The following MLLT3 variants were observed in gnomAD, a reference collection of about 807,000 sequenced individuals.
The protein encoded by MLLT3 is MLLT3 super elongation complex subunit.
In MLLT3, 4 loss-of-function variants were observed where a neutral mutation model predicts 53.2. The observed-to-expected ratio is 0.08, with a 90% CI of 0.04 to 0.17. The LOEUF is 0.17. Ranked by LOEUF, MLLT3 falls within the 10% of genes least tolerant of loss-of-function variation. The pLI is 1.00. For synonymous variants in MLLT3, 283 were observed against 230.6 expected, an observed-to-expected ratio of 1.23 and a Z score of -2.06; for missense variants, 569 against 684.0, an observed-to-expected ratio of 0.83 and a Z score of 1.87.
chr9:20,346,458 T>C lies in MLLT3; in HGVS notation c.1692A>G (p.Thr564=), dbSNP rs1244853967. ...TVRKLQSYLE[T]SGTS is the part of the protein sequence containing the mutation. ...TGTTATATCCTCAGGATGTTCCAGA[T>C]GTTTCCAGGTAACTCTGTAGTTTAC... Residue 564 remains threonine, a synonymous_variant, in exon 11 of 11, where the codon ACA becomes ACG. Transcript: ENST00000380338. The C allele has an allele frequency of 2.5e-6, 4 of 1,612,952 alleles. No homozygotes were observed. The highest frequency in any genetic ancestry group is 2.2e-5 in the South Asian group (2 of 90,902).
intron 5 of MLLT3, among the ~76,000 whole-genome samples, chr9:20,371,355 C>A (rs1046271786): frequency 5.9e-5 from 9 of 152,194 alleles, no homozygotes; most frequent in Non-Finnish European, 1.3e-4. Flanking sequence ...GAACAAGATG[C>A]CATCTAGAGC....
At chr9:20,522,101 C>A (rs1587021383) in intron 2 of MLLT3, among the ~76,000 whole-genome samples, 2 of 148,320 alleles carry the variant, frequency 1.3e-5, no homozygotes, top group South Asian at 2.1e-4. Flanking sequence ...TTCTAGAGCC[C>A]AGAAACAAGT....
At chr9:20,400,045 TA>T (rs146957209) in intron 5 of MLLT3, among the ~76,000 whole-genome samples, 20,823 of 150,006 alleles carry the variant, frequency 0.14, 3,510 homozygotes, top group African/African-American at 0.4. Flanking sequence ...CTAACATCAT[TA>T]AAAAAAAAGA....
chr9:20,488,901 C>T (rs1469411092), intron 2 of MLLT3, among the ~76,000 whole-genome samples: 1 of 152,186 alleles, frequency 6.6e-6, no homozygotes, highest in Non-Finnish European at 1.5e-5. Context: ...GCCCAGCCAG[C>T]CTCTGTAATA....
intron 2 of MLLT3, among the ~76,000 whole-genome samples, chr9:20,506,310 G>C (rs1205872367): frequency 6.6e-6 from 1 of 152,042 alleles, no homozygotes; most frequent in Non-Finnish European, 1.5e-5. Context: ...CGAAGTGCTG[G>C]GATTACAGGC....
chr9:20,603,084 T>G (rs1390250544), intron 2 of MLLT3, among the ~76,000 whole-genome samples: 2 of 152,020 alleles, frequency 1.3e-5, no homozygotes, highest in Non-Finnish European at 2.9e-5. Flanking sequence ...GCCTCTAATT[T>G]CTCCTTCTCA....
chr9:20,585,364 C>T (rs1257567352), intron 2 of MLLT3, among the ~76,000 whole-genome samples: 1 of 152,200 alleles, frequency 6.6e-6, no homozygotes, highest in Non-Finnish European at 1.5e-5. Flanking sequence ...CACCCTTTAA[C>T]CTCCACAAAG....
intron 2 of MLLT3, among the ~76,000 whole-genome samples, chr9:20,594,597 C>T (rs1309649460): frequency 2.0e-5 from 3 of 152,020 alleles, no homozygotes; most frequent in Non-Finnish European, 2.9e-5. Flanking sequence ...CAGTCTTAGT[C>T]ACAGGATAAG....
intron 1 of MLLT3, 143 bp downstream of exon 1, chr9:20,622,102 G>A (rs1337806133): frequency 3.0e-6 from 3 of 1,003,278 alleles, no homozygotes; most frequent in Non-Finnish European, 4.3e-6. Flanking sequence ...GGAGGCTGAG[G>A]GAGAGGCGGC....
At chr9:20,445,477 T>C (rs1282657698) in intron 4 of MLLT3, among the ~76,000 whole-genome samples, 2 of 152,174 alleles carry the variant, frequency 1.3e-5, no homozygotes, top group Non-Finnish European at 2.9e-5. Context: ...GCTTATAGAT[T>C]ATGAAGTAGA....
At chr9:20,515,278 G>A (rs1817881134) in intron 2 of MLLT3, among the ~76,000 whole-genome samples, 2 of 152,114 alleles carry the variant, frequency 1.3e-5, no homozygotes, top group African/African-American at 4.8e-5. Flanking sequence ...TGCTCCAATT[G>A]TTTATAATAA....
intron 8 of MLLT3, among the ~76,000 whole-genome samples, chr9:20,358,826 T>C (rs928416361): frequency 6.6e-6 from 1 of 152,054 alleles, no homozygotes; most frequent in African/African-American, 2.4e-5. Flanking sequence ...ACCCACTGGA[T>C]ACAGAAATCA....
In MLLT3 at chr9:20,574,910, G is replaced by A. The variant is rs189253717; in HGVS notation, c.193+45744C>T. On this transcript the variant is annotated intron_variant, in intron 2 of 10. Coordinates refer to ENST00000380338, the MANE Select transcript of MLLT3 (RefSeq NM_004529.4). ...ACCCTGCCGTCACTTGATCAACCAC[G>A]TTATATGTAATGTTCTAAATCCTTT... is the stretch of plus-strand genomic sequence containing the variant. Among the ~76,000 whole-genome samples, 14 of 152,274 alleles carry A rather than the reference G, an allele frequency of 9.2e-5. No homozygotes were observed. In the East Asian group the frequency reaches 1.5e-3, roughly 17 times the overall value.
chr9:20,622,122 C>T, intron 1 of MLLT3, 123 bp downstream of exon 1: 1 of 1,161,928 alleles, frequency 8.6e-7, no homozygotes, highest in Non-Finnish European at 1.2e-6. Flanking sequence ...CAGCTCCCTG[C>T]AAGCCGTACC....
At chr9:20,590,190 G>A (rs1442629054) in intron 2 of MLLT3, among the ~76,000 whole-genome samples, 2 of 152,114 alleles carry the variant, frequency 1.3e-5, no homozygotes, top group Non-Finnish European at 2.9e-5. Flanking sequence ...ACATTTCAAT[G>A]GGCGTCAACT....
chr9:20,506,419 C>A (rs933404546), intron 2 of MLLT3, among the ~76,000 whole-genome samples: 2 of 152,184 alleles, frequency 1.3e-5, no homozygotes, highest in African/African-American at 4.8e-5. Flanking sequence ...TCCTCTGCAG[C>A]CTCTCCATCC....
At chr9:20,548,239 T>C (rs7863680) in intron 2 of MLLT3, among the ~76,000 whole-genome samples, 30,353 of 152,160 alleles carry the variant, frequency 0.2, 3,087 homozygotes, top group Middle Eastern at 0.24. Flanking sequence ...GTGACTGCCA[T>C]ATTGGACAGC....
rs182434924 is a variant in MLLT3 at position 20,459,287 on chromosome 9, G to T, written c.194-2501C>A. Among the ~76,000 whole-genome samples the T allele has an allele frequency of 2.1e-3, 323 of 152,268 alleles. 4 individuals are homozygous for T. Among genetic ancestry groups the T allele is most frequent in the African/African-American group, 7.6e-3 (314 of 41,564 alleles). On this transcript the variant is annotated intron_variant, in intron 2 of 10. Coordinates refer to ENST00000380338, the MANE Select transcript of MLLT3 (RefSeq NM_004529.4). The stretch of plus-strand genomic sequence containing the variant: ...TGAGACATCTCACATGACCTTATAA[G>T]TTTCTCTAATAGAAAAACGAAAACG...
intron 8 of MLLT3, among the ~76,000 whole-genome samples, chr9:20,359,292 G>A (rs1821259025): frequency 6.6e-6 from 1 of 151,730 alleles, no homozygotes; most frequent in Non-Finnish European, 1.5e-5. Flanking sequence ...TGGCCATGAT[G>A]CATATGTCTT....
Sources: allele counts gnomAD v4.1 joint callset (sites outside exome capture counted in the v4.1 genomes callset), GRCh38; gene constraint gnomAD v4.1.1; transcripts MANE v1.5; gene names NCBI Gene and HGNC (gene_info 2026-07-23, HGNC 2026-07-21).